The following NSF variants were observed in gnomAD, a reference collection of about 807,000 sequenced individuals.
NSF encodes N-ethylmaleimide sensitive factor, vesicle fusing ATPase, also known as vesicle-fusing ATPase.
A neutral mutation model predicts 50.3 loss-of-function variants in NSF; 14 were observed. That is an observed-to-expected ratio of 0.28 (90% CI 0.18 to 0.44). NSF has a LOEUF of 0.44. Ranked by LOEUF, NSF falls within the 20% of genes least tolerant of loss-of-function variation. The pLI, the probability that NSF is intolerant of heterozygous loss-of-function variation, is 1.00. For missense variants in NSF, 218 were observed against 504.3 expected, an observed-to-expected ratio of 0.43 and a Z score of 5.44; for synonymous variants, 109 against 175.7, an observed-to-expected ratio of 0.62 and a Z score of 3.00.
At chr17:46,708,486 A>G (rs1354686479) in intron 13 of NSF, among the ~76,000 whole-genome samples, 7 of 145,884 alleles carry the variant, frequency 4.8e-5, no homozygotes, top group Non-Finnish European at 1.0e-4. Context: ...CATTTGTTAC[A>G]TATCCTTTTT....
chr17:46,610,110 TCTC>T (rs2058001881), intron 1 of NSF, among the ~76,000 whole-genome samples: 1 of 121,878 alleles, frequency 8.2e-6, no homozygotes, highest in South Asian at 2.5e-4. Context: ...TCTCTCTCTC[TCTC>T]TCTCTCTCTC....
At chr17:46,746,612 A>G (rs544064617) in intron 17 of NSF, among the ~76,000 whole-genome samples, 1 of 152,270 alleles carries the variant, frequency 6.6e-6, no homozygotes, top group East Asian at 1.9e-4. Flanking sequence ...CTAGTGACAT[A>G]AGTTTAAAAC....
intron 9 of NSF, among the ~76,000 whole-genome samples, chr17:46,691,735 T>C (rs1643716509): frequency 6.6e-6 from 1 of 151,718 alleles, no homozygotes; most frequent in African/African-American, 2.4e-5. Context: ...GTTCATTTTT[T>C]ACCAGTTTTG....
At chr17:46,707,357 T>G (rs986603215) in intron 13 of NSF, among the ~76,000 whole-genome samples, 1 of 152,246 alleles carries the variant, frequency 6.6e-6, no homozygotes, top group Non-Finnish European at 1.5e-5. Flanking sequence ...TATACTCTTT[T>G]TTTCTCAATT....
chr17:46,620,316 T>TC (rs1213426271), intron 1 of NSF, among the ~76,000 whole-genome samples: 1 of 8,164 alleles, frequency 1.2e-4, no homozygotes, highest in Non-Finnish European at 2.1e-4. Flanking sequence ...TCTCGCTCTC[T>TC]TTTTTTTTTT....
intron 18 of NSF, among the ~76,000 whole-genome samples, chr17:46,750,315 TGCACTC>T (rs1323816999): frequency 6.6e-6 from 1 of 152,212 alleles, no homozygotes; most frequent in African/African-American, 2.4e-5. Context: ...ATTGTGCCAC[TGCACTC>T]CAGTCTGGGT....
intron 15 of NSF, 53 bp from the exon 16 acceptor site, chr17:46,726,496 T>C: frequency 6.5e-7 from 1 of 1,533,520 alleles, no homozygotes; most frequent in Non-Finnish European, 9.0e-7. Flanking sequence ...TTCTTGGAAA[T>C]TGTCGTAACT....
chr17:46,694,555 GATGT>G lies in NSF; in HGVS notation c.1269_1272del (p.Asp423GlufsTer30), dbSNP rs2146234740. ...GAGAGGGCATCAGTTACTCTCTGCT[GATGT>G]AGACATTAAAGAACTGGCCGTGGAG... is the stretch of plus-strand genomic sequence containing the variant. On this transcript the variant is annotated frameshift_variant, in exon 12 of 21. Coordinates refer to ENST00000398238, the MANE Select transcript of NSF (RefSeq NM_006178.4). LOFTEE classifies it high-confidence loss of function. 7.4e-7 allele frequency: 1 copy of G among 1,350,322 alleles called. No individual in the cohort carries two copies. The highest frequency in any genetic ancestry group is 1.8e-5 in the Admixed American group (1 of 54,232). The allele number at this position is 1,350,322 out of a possible 1,614,324, so 83.6% of individuals were successfully genotyped here. A position where few individuals can be genotyped will look rare whatever the true frequency, so the allele number is the denominator to read the frequency against.
At chr17:46,631,026 C>T (rs2146147491) in intron 4 of NSF, among the ~76,000 whole-genome samples, 1 of 142,494 alleles carries the variant, frequency 7.0e-6, no homozygotes, top group South Asian at 2.1e-4. Flanking sequence ...CATTCTGGCT[C>T]CCTGTCTTCC....
chr17:46,738,669 C>T (rs1245436239), intron 17 of NSF, among the ~76,000 whole-genome samples: 1 of 152,174 alleles, frequency 6.6e-6, no homozygotes. Context: ...GTTTTGCTAT[C>T]AGCTGTTACT....
chr17:46,688,606 GC>G (rs1293777051), intron 9 of NSF, among the ~76,000 whole-genome samples: 1 of 51,132 alleles, frequency 2.0e-5, no homozygotes, highest in African/African-American at 1.1e-4. Context: ...GTTGGAAATA[GC>G]CAAGATAGTT....
chr17:46,728,416 A>G (rs2058912826), intron 16 of NSF, among the ~76,000 whole-genome samples: 1 of 152,112 alleles, frequency 6.6e-6, no homozygotes, highest in African/African-American at 2.4e-5. Context: ...AAATAATCCC[A>G]GAAAAAACAT....
rs773404010 is a variant in NSF at position 46,728,908 on chromosome 17, G to A, written c.1882G>A (p.Val628Ile). 10 of 1,605,238 alleles carry A rather than the reference G, an allele frequency of 6.2e-6. No individual in the cohort carries two copies. The highest frequency in any genetic ancestry group is 2.2e-5 in the South Asian group (2 of 89,252). ...FSNLVLQALL[V>I]LLKKAPPQGR... ...AAATCTTGTATTACAGGCTCTTCTC[G>A]TTTTACTGAAAAAGGCACCTCCTCA... The change falls in exon 17 of 21, where the codon GTT becomes ATT. Residue 628 changes from valine to isoleucine, a missense_variant. Coordinates refer to ENST00000398238, the MANE Select transcript of NSF (RefSeq NM_006178.4).
At chr17:46,716,500 G>T (rs1383636592) in intron 15 of NSF, among the ~76,000 whole-genome samples, 1 of 151,962 alleles carries the variant, frequency 6.6e-6, no homozygotes, top group Non-Finnish European at 1.5e-5. Context: ...CTCATGATCC[G>T]CACGCCTCAG....
chr17:46,722,377 G>T (rs550095792), intron 15 of NSF, among the ~76,000 whole-genome samples: 5 of 152,216 alleles, frequency 3.3e-5, no homozygotes, highest in Non-Finnish European at 5.9e-5. Context: ...GACCTGCTGT[G>T]TGCTATAACT....
intron 14 of NSF, 139 bp downstream of exon 14, chr17:46,711,258 C>A (rs911848426): frequency 2.5e-6 from 2 of 788,268 alleles, no homozygotes; most frequent in African/African-American, 1.8e-5. Flanking sequence ...GTAATCCAAT[C>A]TATGTACCAA....
At chr17:46,630,939 A>G (rs2146147258) in intron 4 of NSF, among the ~76,000 whole-genome samples, 1 of 137,610 alleles carries the variant, frequency 7.3e-6, no homozygotes, top group East Asian at 3.3e-4. Flanking sequence ...GTATTTATAG[A>G]AAGGTTGCAA....
chr17:46,712,870 T>A (rs1022922621), intron 14 of NSF, among the ~76,000 whole-genome samples: 2 of 152,070 alleles, frequency 1.3e-5, no homozygotes, highest in African/African-American at 4.8e-5. Flanking sequence ...AAGAAACATA[T>A]TTTAAGAAAG....
At chr17:46,739,856 A>C (rs1485548749) in intron 17 of NSF, among the ~76,000 whole-genome samples, 1 of 151,550 alleles carries the variant, frequency 6.6e-6, no homozygotes, top group Admixed American at 6.6e-5. Flanking sequence ...ACACCACCAC[A>C]CCCAGATAAT....
Sources: allele counts gnomAD v4.1 joint callset (sites outside exome capture counted in the v4.1 genomes callset), GRCh38; gene constraint gnomAD v4.1.1; transcripts MANE v1.5; gene names NCBI Gene and HGNC (gene_info 2026-07-23, HGNC 2026-07-21).